The following LMO7 variants were observed in gnomAD, a reference collection of about 807,000 sequenced individuals.
The protein encoded by LMO7 is LIM domain only protein 7.
Under a neutral mutation model 206.5 loss-of-function variants are expected in LMO7, and 120 were observed. The observed-to-expected ratio is 0.58, with a 90% CI of 0.50 to 0.68. The LOEUF (loss-of-function observed/expected upper bound fraction) is 0.68, where lower values mean the gene tolerates loss of function less well. Ranked by LOEUF, LMO7 falls within the 30% of genes least tolerant of loss-of-function variation. The probability of loss-of-function intolerance (pLI) is 0.00; values close to 1 mark genes in which losing one functional copy is unlikely to be tolerated. For missense variants in LMO7, 1,959 were observed against 1,957.9 expected (o/e 1.00, Z -0.01); for synonymous variants, 706 against 681.5 (o/e 1.04, Z -0.56).
At chr13:75,671,098 G>A (rs2039537665) in intron 1 of LMO7, among the ~76,000 whole-genome samples, 1 of 151,308 alleles carries the variant, frequency 6.6e-6, no homozygotes, top group African/African-American at 2.4e-5. Flanking sequence ...TTGTCCCACT[G>A]GAAGGCCCTC....
intron 3 of LMO7, among the ~76,000 whole-genome samples, chr13:75,747,127 G>T (rs1056741696): frequency 1.5e-4 from 23 of 152,192 alleles, no homozygotes; most frequent in African/African-American, 5.5e-4. Flanking sequence ...ATTTATCAGG[G>T]ATAAATTTCA....
intron 11 of LMO7, among the ~76,000 whole-genome samples, chr13:75,813,416 G>A (rs2056644761): frequency 6.6e-6 from 1 of 152,210 alleles, no homozygotes; most frequent in Admixed American, 6.5e-5. Flanking sequence ...CTTAGCAGGT[G>A]AGAAATGGGG....
chr13:75,643,910 C>T (rs2139043565), intron 1 of LMO7, among the ~76,000 whole-genome samples: 1 of 152,254 alleles, frequency 6.6e-6, no homozygotes, highest in Non-Finnish European at 1.5e-5. Flanking sequence ...TGCTTGAGTG[C>T]ATTTTTATGT....
At chr13:75,816,088 G>T (rs569554082) in intron 11 of LMO7, among the ~76,000 whole-genome samples, 72 of 152,212 alleles carry the variant, frequency 4.7e-4, no homozygotes, top group Non-Finnish European at 7.9e-4. Flanking sequence ...TGAGTCAAAG[G>T]ACGGACTGGT....
intron 15 of LMO7, 55 bp downstream of exon 15, chr13:75,823,928 T>A (rs1459457468): frequency 7.0e-7 from 1 of 1,430,732 alleles, no homozygotes; most frequent in Non-Finnish European, 9.7e-7. Context: ...CACATTTAAA[T>A]CTGGAAACCA....
chr13:75,776,350 C>G (rs566759538), intron 4 of LMO7, among the ~76,000 whole-genome samples: 1 of 150,970 alleles, frequency 6.6e-6, no homozygotes, highest in South Asian at 2.1e-4. Flanking sequence ...TCCCTTGCCT[C>G]CAGGTGCATT....
chr13:75,777,308 C>CT lies in LMO7; in HGVS notation c.317+16272dup, dbSNP rs1179463668. 2.6e-5 allele frequency among the ~76,000 whole-genome samples: 4 copies of CT among 152,220 alleles called. No homozygotes were observed. In the East Asian group the frequency reaches 7.7e-4, roughly 29 times the overall value. ...GGCTAGCCTTAAATTTTAAAGACAA[C>CT]TTACCTGCTTTAACCAGCAAACCAG... On this transcript the variant is annotated intron_variant, in intron 4 of 30. Coordinates refer to ENST00000377534, the MANE Select transcript of LMO7 (RefSeq NM_001306080.2).
At chr13:75,777,647 GTTT>G (rs3036339) in intron 4 of LMO7, among the ~76,000 whole-genome samples, 1 of 132,112 alleles carries the variant, frequency 7.6e-6, no homozygotes, top group Non-Finnish European at 1.6e-5. Context: ...TTCTTTTCTT[GTTT>G]TTTTTTTTTT....
chr13:75,827,046 T>C (rs778605787), intron 15 of LMO7, among the ~76,000 whole-genome samples: 25 of 152,132 alleles, frequency 1.6e-4, no homozygotes, highest in Non-Finnish European at 2.1e-4. Context: ...CCCTCCCCCA[T>C]TGGAATCAAA....
At chr13:75,711,386 C>T (rs1373739751) in intron 1 of LMO7, among the ~76,000 whole-genome samples, 1 of 152,210 alleles carries the variant, frequency 6.6e-6, no homozygotes, top group African/African-American at 2.4e-5. Context: ...ACCAGCTCCT[C>T]CTTGTACCTC....
At chr13:75,845,209 C>T in intron 25 of LMO7, 118 bp from the exon 26 acceptor site, 1 of 516,972 alleles carries the variant, frequency 1.9e-6, no homozygotes, top group Non-Finnish European at 3.3e-6. Flanking sequence ...TTGCTCTCAG[C>T]AGACACAGAA....
intron 3 of LMO7, among the ~76,000 whole-genome samples, chr13:75,745,137 G>C (rs912395034): frequency 1.2e-4 from 18 of 152,158 alleles, no homozygotes; most frequent in African/African-American, 4.3e-4. Flanking sequence ...GTGGGCCCTG[G>C]TGGGGTGAGT....
intron 4 of LMO7, among the ~76,000 whole-genome samples, chr13:75,762,572 G>T (rs752754151): frequency 1.3e-5 from 2 of 152,108 alleles, no homozygotes; most frequent in Non-Finnish European, 1.5e-5. Flanking sequence ...TTCTTGCCTG[G>T]AGCCTGTTTC....
intron 4 of LMO7, among the ~76,000 whole-genome samples, chr13:75,794,458 CT>C (rs1286956059): frequency 6.6e-6 from 1 of 152,096 alleles, no homozygotes; most frequent in East Asian, 1.9e-4. Flanking sequence ...CTCACATTCT[CT>C]TTTTACTTTT....
intron 3 of LMO7, among the ~76,000 whole-genome samples, chr13:75,756,209 C>A (rs965868408): frequency 6.6e-6 from 1 of 152,070 alleles, no homozygotes. Flanking sequence ...AGCAAGAGAC[C>A]AAGGTAGAGA....
chr13:75,624,635 T>G (rs2033788248), intron 2 of LMO7, among the ~76,000 whole-genome samples: 1 of 152,174 alleles, frequency 6.6e-6, no homozygotes, highest in Admixed American at 6.5e-5. Context: ...TGGGGAGGCC[T>G]CACAATCATG....
intron 1 of LMO7, among the ~76,000 whole-genome samples, chr13:75,683,924 T>C (rs1396634881): frequency 6.6e-6 from 1 of 152,190 alleles, no homozygotes; most frequent in African/African-American, 2.4e-5. Flanking sequence ...CAAGGTTTTA[T>C]GCAGATGAAG....
chr13:75,707,543 G>A (rs1196684389), intron 1 of LMO7, among the ~76,000 whole-genome samples: 1 of 151,926 alleles, frequency 6.6e-6, no homozygotes, highest in Non-Finnish European at 1.5e-5. Context: ...CTGTGTGCCT[G>A]TCCTGTTGTC....
chr13:75,799,251 A>T (rs746981458), intron 6 of LMO7, among the ~76,000 whole-genome samples: 74 of 152,208 alleles, frequency 4.9e-4, no homozygotes, highest in Non-Finnish European at 9.7e-4. Flanking sequence ...CTAATTATTC[A>T]CTGCAAACTC....
Sources: gnomAD v4.1 joint callset for allele counts (sites outside exome capture counted in the v4.1 genomes callset) on GRCh38, gnomAD v4.1.1 for gene constraint, MANE v1.5 for transcripts, NCBI Gene and HGNC (gene_info 2026-07-23, HGNC 2026-07-21) for gene names.